Variants in OPCML observed in about 807,000 individuals in gnomAD.
The protein encoded by OPCML is opioid-binding protein/cell adhesion molecule.
Under a neutral mutation model 37.8 loss-of-function variants are expected in OPCML, and 13 were observed. That is an observed-to-expected ratio of 0.34 (90% CI 0.22 to 0.55). The LOEUF (loss-of-function observed/expected upper bound fraction) is 0.55. OPCML is among the 20% of genes least tolerant of loss of function. OPCML has a pLI of 0.91. For synonymous variants in OPCML, 176 were observed against 168.8 expected, an observed-to-expected ratio of 1.04 and a Z score of -0.33; for missense variants, 341 against 435.6, an observed-to-expected ratio of 0.78 and a Z score of 1.93.
chr11:132,694,459 A>T (rs1943530773), intron 2 of OPCML, among the ~76,000 whole-genome samples: 1 of 151,934 alleles, frequency 6.6e-6, no homozygotes, highest in Non-Finnish European at 1.5e-5. Context: ...GGCCTCCCAA[A>T]GTGCTGGGAT....
intron 2 of OPCML, among the ~76,000 whole-genome samples, chr11:132,704,880 A>G (rs896000385): frequency 9.9e-5 from 15 of 152,246 alleles, no homozygotes; most frequent in African/African-American, 3.6e-4. Context: ...AGACTAAATA[A>G]TAAAGTAAAA....
chr11:133,068,420 C>T (rs1948473492), intron 1 of OPCML, among the ~76,000 whole-genome samples: 1 of 152,206 alleles, frequency 6.6e-6, no homozygotes, highest in African/African-American at 2.4e-5. Context: ...AGGGGAAGGC[C>T]TGCTCTCAGC....
intron 1 of OPCML, among the ~76,000 whole-genome samples, chr11:133,073,501 T>C (rs916542729): frequency 2.0e-4 from 30 of 152,218 alleles, no homozygotes; most frequent in African/African-American, 7.0e-4. Flanking sequence ...ACCATTCTAA[T>C]GAGCTGCCCC....
chr11:133,498,436 A>G (rs1947831845), intron 1 of OPCML, among the ~76,000 whole-genome samples: 1 of 152,230 alleles, frequency 6.6e-6, no homozygotes, highest in South Asian at 2.1e-4. Context: ...CAGAAGAGTC[A>G]GAGAAAAGAG....
intron 2 of OPCML, among the ~76,000 whole-genome samples, chr11:132,719,044 C>A (rs1460329877): frequency 6.6e-6 from 1 of 152,102 alleles, no homozygotes; most frequent in Non-Finnish European, 1.5e-5. Context: ...TCAAGGCTGA[C>A]CCCAAAATAC....
At chr11:133,378,768 T>C (rs1270116817) in intron 1 of OPCML, among the ~76,000 whole-genome samples, 6 of 151,884 alleles carry the variant, frequency 4.0e-5, no homozygotes, top group African/African-American at 1.5e-4. Flanking sequence ...AGTCTCACTC[T>C]GTCACCTAGG....
intron 1 of OPCML, among the ~76,000 whole-genome samples, chr11:133,176,307 A>G (rs1418257481): frequency 6.6e-6 from 1 of 151,972 alleles, no homozygotes; most frequent in African/African-American, 2.4e-5. Flanking sequence ...TGCATCAGGA[A>G]AAGAGAGCAA....
intron 2 of OPCML, among the ~76,000 whole-genome samples, chr11:132,743,833 A>G (rs1591545123): frequency 6.6e-6 from 1 of 152,234 alleles, no homozygotes; most frequent in Admixed American, 6.5e-5. Context: ...AGTAGCATCT[A>G]CGTGACACAC....
chr11:132,937,595 GGTGTGTGTGTGTGTGT>G (rs58674976), intron 2 of OPCML, among the ~76,000 whole-genome samples: 48 of 88,826 alleles, frequency 5.4e-4, no homozygotes, highest in Admixed American at 1.5e-3. Context: ...GCGTGTGTGG[GGTGTGTGTGTGTGTGT>G]GTGTGTGTGT....
chr11:132,501,474 C>T (rs1282644018), intron 4 of OPCML, among the ~76,000 whole-genome samples: 1 of 152,132 alleles, frequency 6.6e-6, no homozygotes, highest in African/African-American at 2.4e-5. Context: ...TTTACCTCTC[C>T]CTTTGGGAAC....
At chr11:133,015,391 G>A (rs866327560) in intron 1 of OPCML, among the ~76,000 whole-genome samples, 1 of 64,820 alleles carries the variant, frequency 1.5e-5, no homozygotes, top group Non-Finnish European at 2.9e-5. Context: ...AAGGAAGGAA[G>A]GAATGAAGGA....
At chr11:133,151,458 T>G (rs553045635) in intron 1 of OPCML, among the ~76,000 whole-genome samples, 17 of 151,936 alleles carry the variant, frequency 1.1e-4, no homozygotes, top group African/African-American at 4.1e-4. Flanking sequence ...AATGTATTTT[T>G]TTTTCAAAAA....
intron 2 of OPCML, among the ~76,000 whole-genome samples, chr11:132,709,955 G>A (rs909207436): frequency 2.6e-5 from 4 of 152,188 alleles, no homozygotes; most frequent in Non-Finnish European, 5.9e-5. Flanking sequence ...GGGATACATA[G>A]ATACATTTAA....
intron 2 of OPCML, among the ~76,000 whole-genome samples, chr11:132,666,032 C>A (rs948038740): frequency 1.6e-4 from 25 of 152,180 alleles, no homozygotes; most frequent in African/African-American, 5.8e-4. Flanking sequence ...GACGCCCCAC[C>A]TCTACCTTCA....
At chr11:133,359,932 C>T (rs1018842698) in intron 1 of OPCML, 1 of 152,216 alleles carries the variant, frequency 6.6e-6, no homozygotes, top group South Asian at 2.1e-4. Flanking sequence ...ATTTCTGTAT[C>T]TGTTCCACAA....
At chr11:132,715,620 C>T (rs886256068) in intron 2 of OPCML, among the ~76,000 whole-genome samples, 4 of 152,188 alleles carry the variant, frequency 2.6e-5, no homozygotes, top group Non-Finnish European at 5.9e-5. Context: ...TGCTTTCTCT[C>T]TCTGCTTTCT....
chr11:132,737,584 A>G (rs1945301040), intron 2 of OPCML, among the ~76,000 whole-genome samples: 1 of 152,196 alleles, frequency 6.6e-6, no homozygotes, highest in Non-Finnish European at 1.5e-5. Flanking sequence ...CTTTGAATGA[A>G]TATAGGATAA....
At chr11:133,070,338 C>A (rs1016422397) in intron 1 of OPCML, among the ~76,000 whole-genome samples, 4 of 152,114 alleles carry the variant, frequency 2.6e-5, no homozygotes, top group African/African-American at 7.2e-5. Context: ...CACTGCTTGT[C>A]CCTGTTCTGT....
At position 133,117,469 on chromosome 11, in the gene OPCML, C is replaced by T. The variant is rs148947754; in HGVS notation, c.62-174459G>A. 1.6e-3 allele frequency among the ~76,000 whole-genome samples: 239 copies of T among 152,268 alleles called. 2 individuals are homozygous for T. Among genetic ancestry groups the T allele is most frequent in the Admixed American group, 5.4e-3 (82 of 15,294 alleles). On this transcript the variant is annotated intron_variant, in intron 1 of 7. Transcript: ENST00000524381. ...GCACTGAGCTGTGAAGGGACCAAAG[C>T]GAATTGGGCCCCATCGCAGATGCCC...
Sources: gnomAD v4.1 joint callset for allele counts (sites outside exome capture counted in the v4.1 genomes callset) on GRCh38, gnomAD v4.1.1 for gene constraint, MANE v1.5 for transcripts, NCBI Gene and HGNC (gene_info 2026-07-23, HGNC 2026-07-21) for gene names.